Variants in DOCK4 observed in about 807,000 individuals in gnomAD.
DOCK4 encodes dedicator of cytokinesis 4.
Under a neutral mutation model 268.1 loss-of-function variants are expected in DOCK4, and 97 were observed. The ratio of observed to expected loss-of-function variants is 0.36; its 90% CI spans 0.31 to 0.43. DOCK4 has a LOEUF of 0.43. Ranked by LOEUF, DOCK4 falls within the 20% of genes least tolerant of loss-of-function variation. The pLI is 1.00. For missense variants in DOCK4, 2,145 were observed against 2,455.7 expected, an observed-to-expected ratio of 0.87 and a Z score of 2.67; for synonymous variants, 954 against 887.2, an observed-to-expected ratio of 1.08 and a Z score of -1.34.
intron 1 of DOCK4, among the ~76,000 whole-genome samples, chr7:112,189,206 C>T (rs961852494): frequency 6.6e-6 from 1 of 151,968 alleles, no homozygotes; most frequent in East Asian, 1.9e-4. Context: ...TCACCAATGG[C>T]TAATTGCATA....
intron 36 of DOCK4, among the ~76,000 whole-genome samples, chr7:111,777,751 T>A (rs1798541795): frequency 6.6e-6 from 1 of 152,166 alleles, no homozygotes; most frequent in Non-Finnish European, 1.5e-5. Context: ...CATGCTGCTC[T>A]CATAATAGTG....
intron 23 of DOCK4, among the ~76,000 whole-genome samples, chr7:111,851,444 CAAA>C (rs71524820): frequency 9.4e-4 from 69 of 73,104 alleles, no homozygotes; most frequent in Admixed American, 1.6e-3. Context: ...GACTCCATCT[CAAA>C]AAAAAAAAAA....
At chr7:111,993,238 C>T (rs1799674999) in intron 5 of DOCK4, among the ~76,000 whole-genome samples, 1 of 152,160 alleles carries the variant, frequency 6.6e-6, no homozygotes, top group African/African-American at 2.4e-5. Context: ...GGATTTTTTC[C>T]TCGACAGGCT....
At chr7:111,860,957 A>G (rs1805459677) in intron 23 of DOCK4, among the ~76,000 whole-genome samples, 1 of 152,224 alleles carries the variant, frequency 6.6e-6, no homozygotes, top group Non-Finnish European at 1.5e-5. Flanking sequence ...AATTTTGATG[A>G]CTGTCTTGCT....
intron 8 of DOCK4, 74 bp from the exon 9 acceptor site, chr7:111,945,872 T>C: frequency 9.0e-7 from 1 of 1,111,916 alleles, no homozygotes; most frequent in East Asian, 2.6e-5. Context: ...TAACTACTCT[T>C]CATCACAACA....
chr7:112,165,920 C>T (rs1373380054), intron 1 of DOCK4, among the ~76,000 whole-genome samples: 2 of 152,118 alleles, frequency 1.3e-5, no homozygotes, highest in African/African-American at 4.8e-5. Flanking sequence ...CTCGCCCCCT[C>T]CAAATAACTG....
intron 28 of DOCK4, among the ~76,000 whole-genome samples, chr7:111,811,403 T>C (rs1027450028): frequency 2.0e-5 from 3 of 152,158 alleles, no homozygotes; most frequent in Non-Finnish European, 4.4e-5. Context: ...CAAGAATTTG[T>C]AGGCACCCAG....
At chr7:112,175,844 T>G (rs1323093416) in intron 1 of DOCK4, among the ~76,000 whole-genome samples, 1 of 152,212 alleles carries the variant, frequency 6.6e-6, no homozygotes, top group Non-Finnish European at 1.5e-5. Context: ...TAACAAAACT[T>G]ATTCACACAA....
chr7:112,013,852 T>C (rs76096855), intron 1 of DOCK4, among the ~76,000 whole-genome samples: 1,550 of 145,376 alleles, frequency 0.011, 15 homozygotes, highest in Middle Eastern at 0.038. Flanking sequence ...AGGCTTAGCC[T>C]GTACCCTAAC....
Position 112,144,274 on chromosome 7 carries a change from AG to A in DOCK4, c.37+61827del, listed in dbSNP as rs373205333. ...TTTTTTTGGCACCTCTCACAATATA[AG>A]TAGTCCACTATGAACTAAGCACTAT... On this transcript the variant is annotated intron_variant, in intron 1 of 52. Transcript: ENST00000428084. 2.7e-3 allele frequency among the ~76,000 whole-genome samples: 404 copies of A among 152,314 alleles called. 1 individual carries two copies. Among genetic ancestry groups the A allele is most frequent in the African/African-American group, 9.0e-3 (373 of 41,574 alleles).
At chr7:111,995,503 C>A (rs1426909431) in intron 4 of DOCK4, among the ~76,000 whole-genome samples, 1 of 150,186 alleles carries the variant, frequency 6.7e-6, no homozygotes, top group Admixed American at 6.7e-5. Context: ...ACCACTGCTT[C>A]CCAAAGAATG....
chr7:112,027,276 G>A (rs1157665197), intron 1 of DOCK4, among the ~76,000 whole-genome samples: 2 of 152,080 alleles, frequency 1.3e-5, no homozygotes, highest in African/African-American at 4.8e-5. Context: ...CCAGGGTGGA[G>A]TGCAGTGGTG....
At chr7:111,760,997 C>A (rs2133595567) in intron 39 of DOCK4, among the ~76,000 whole-genome samples, 1 of 151,796 alleles carries the variant, frequency 6.6e-6, no homozygotes, top group East Asian at 1.9e-4. Context: ...CTCATATAAG[C>A]TTGAGAGGTA....
At chr7:111,991,923 T>A (rs1330288377) in intron 5 of DOCK4, among the ~76,000 whole-genome samples, 1 of 121,160 alleles carries the variant, frequency 8.3e-6, no homozygotes, top group African/African-American at 3.3e-5. Flanking sequence ...ATTGCGCCAC[T>A]GCACTCCAGC....
chr7:112,201,487 T>G (rs987618424), intron 1 of DOCK4, among the ~76,000 whole-genome samples: 1 of 152,190 alleles, frequency 6.6e-6, no homozygotes, highest in Non-Finnish European at 1.5e-5. Context: ...AGCTCACACA[T>G]GTAAAACATC....
chr7:112,130,091 G>T (rs1482350315), intron 1 of DOCK4, among the ~76,000 whole-genome samples: 1 of 152,136 alleles, frequency 6.6e-6, no homozygotes, highest in Admixed American at 6.5e-5. Flanking sequence ...CCGCATTCAG[G>T]GAAATTTGAG....
chr7:112,067,883 G>A (rs1807227090), intron 1 of DOCK4, among the ~76,000 whole-genome samples: 1 of 152,212 alleles, frequency 6.6e-6, no homozygotes, highest in Non-Finnish European at 1.5e-5. Flanking sequence ...GCCACTGGCA[G>A]TTTAATTATT....
At chr7:111,949,057 A>G (rs1050211203) in intron 8 of DOCK4, among the ~76,000 whole-genome samples, 2 of 152,210 alleles carry the variant, frequency 1.3e-5, no homozygotes, top group Non-Finnish European at 2.9e-5. Flanking sequence ...GTAATCAGTT[A>G]CCTACTAATG....
intron 12 of DOCK4, among the ~76,000 whole-genome samples, chr7:111,933,080 A>G (rs1362698697): frequency 6.9e-6 from 1 of 144,298 alleles, no homozygotes; most frequent in Non-Finnish European, 1.5e-5. Context: ...ATATATACAC[A>G]TATATATACG....
Sources: gnomAD v4.1 joint callset for allele counts (sites outside exome capture counted in the v4.1 genomes callset) on GRCh38, gnomAD v4.1.1 for gene constraint, MANE v1.5 for transcripts, NCBI Gene and HGNC (gene_info 2026-07-23, HGNC 2026-07-21) for gene names.